The following DRD3 variants were observed in gnomAD, a reference collection of about 807,000 sequenced individuals.
The protein encoded by DRD3 is D(3) dopamine receptor.
Under a neutral mutation model 36.3 loss-of-function variants are expected in DRD3, and 19 were observed. The ratio of observed to expected loss-of-function variants is 0.52; its 90% CI spans 0.36 to 0.77. The LOEUF (loss-of-function observed/expected upper bound fraction) is 0.77, where lower values mean the gene tolerates loss of function less well. DRD3 is among the 30% of genes least tolerant of loss of function. The pLI is 0.00. For missense variants in DRD3, 465 were observed against 505.3 expected (o/e 0.92, Z 0.77); for synonymous variants, 195 against 203.7 (o/e 0.96, Z 0.36).
At chr3:114,175,246 C>T (rs901469977) in intron 1 of DRD3, among the ~76,000 whole-genome samples, 1 of 152,090 alleles carries the variant, frequency 6.6e-6, no homozygotes, top group Admixed American at 6.5e-5. Flanking sequence ...ATGTCTGGCA[C>T]ATAGCACTAG....
chr3:114,188,956 C>T (rs946611839), intron 1 of DRD3, among the ~76,000 whole-genome samples: 13 of 152,160 alleles, frequency 8.5e-5, no homozygotes, highest in Non-Finnish European at 1.5e-4. Flanking sequence ...AATATAGCAG[C>T]ATTACAATGA....
At chr3:114,190,350 C>G (rs2077997610) in intron 1 of DRD3, among the ~76,000 whole-genome samples, 1 of 137,876 alleles carries the variant, frequency 7.3e-6, no homozygotes, top group Non-Finnish European at 1.5e-5. Flanking sequence ...GAATGTTATC[C>G]CAATCCATGC....
intron 3 of DRD3, among the ~76,000 whole-genome samples, chr3:114,151,722 A>G (rs1333557901): frequency 6.6e-6 from 1 of 152,162 alleles, no homozygotes; most frequent in Non-Finnish European, 1.5e-5. Context: ...AGATGCAAGG[A>G]TGTCAGTTAT....
At chr3:114,136,932 A>G (rs1005934830) in intron 5 of DRD3, among the ~76,000 whole-genome samples, 1 of 152,076 alleles carries the variant, frequency 6.6e-6, no homozygotes, top group Non-Finnish European at 1.5e-5. Flanking sequence ...TGCTCTGTCC[A>G]TGTGTGTTCC....
At chr3:114,145,867 G>T (rs996068349) in intron 4 of DRD3, among the ~76,000 whole-genome samples, 2 of 151,848 alleles carry the variant, frequency 1.3e-5, no homozygotes, top group Non-Finnish European at 2.9e-5. Flanking sequence ...ATTTGTAGGG[G>T]GTCATATATA....
intron 2 of DRD3, among the ~76,000 whole-genome samples, chr3:114,164,343 A>G (rs1325240755): frequency 2.6e-5 from 4 of 151,878 alleles, no homozygotes; most frequent in Admixed American, 2.6e-4. Flanking sequence ...ATTATACAGC[A>G]ACCAGGTGGT....
intron 3 of DRD3, among the ~76,000 whole-genome samples, chr3:114,151,498 C>T (rs760591169): frequency 1.2e-4 from 19 of 152,198 alleles, no homozygotes; most frequent in Non-Finnish European, 2.4e-4. Context: ...CTATTTTAAG[C>T]TACCACCAAA....
intron 2 of DRD3, among the ~76,000 whole-genome samples, chr3:114,160,551 G>C (rs1003963578): frequency 6.6e-6 from 1 of 152,178 alleles, no homozygotes; most frequent in Non-Finnish European, 1.5e-5. Flanking sequence ...GTGGTAAAAG[G>C]ACTTCGGTGA....
chr3:114,140,235 G>A (rs770704307), intron 4 of DRD3, among the ~76,000 whole-genome samples: 3 of 152,212 alleles, frequency 2.0e-5, no homozygotes, highest in Admixed American at 6.5e-5. Context: ...GGCAGATGGC[G>A]GCTGAATACA....
rs544517200 is a variant in DRD3, at chr3:114,131,326, T to A, written c.798A>T (p.Gly266=). 6 of 1,614,222 alleles carry A rather than the reference T, an allele frequency of 3.7e-6. No individual in the cohort carries two copies. The African/African-American group carries it at 8.0e-5, about 22-fold the overall frequency. ...CTCCTCCTCTTTCTTGGAAGCCTGG[T>A]CCACCCAAGGCAGTGTCCTGGCAGA... ...YSICQDTALG[G]PGFQERGGEL... The change falls in exon 6 of 7, where the codon GGA becomes GGT. Residue 266 remains glycine (G), a synonymous_variant. Coordinates refer to ENST00000383673, the MANE Select transcript of DRD3 (RefSeq NM_000796.6).
intron 2 of DRD3, among the ~76,000 whole-genome samples, chr3:114,170,753 T>C (rs895669515): frequency 6.6e-6 from 1 of 152,234 alleles, no homozygotes; most frequent in Non-Finnish European, 1.5e-5. Flanking sequence ...TTACTATCAA[T>C]ATTAACTGAG....
chr3:114,181,218 A>T (rs989443402), upstream of DRD3, among the ~76,000 whole-genome samples: 1 of 152,186 alleles, frequency 6.6e-6, no homozygotes, highest in African/African-American at 2.4e-5. Context: ...AATTCTGTGT[A>T]GGAACAAGAG....
At chr3:114,189,722 A>G (rs2077993774) in intron 1 of DRD3, among the ~76,000 whole-genome samples, 2 of 152,188 alleles carry the variant, frequency 1.3e-5, no homozygotes, top group South Asian at 4.1e-4. Flanking sequence ...GTTGTTTGAC[A>G]CTAGGAGGCT....
At chr3:114,138,659 GT>G (rs963383688) in intron 5 of DRD3, among the ~76,000 whole-genome samples, 6 of 152,116 alleles carry the variant, frequency 3.9e-5, no homozygotes, top group African/African-American at 1.4e-4. Context: ...AGCATATTGG[GT>G]TTTCTCTTCT....
chr3:114,172,061 C>A (rs1344248852), intron 1 of DRD3, 34 bp from the exon 2 acceptor site: 1 of 1,351,138 alleles, frequency 7.4e-7, no homozygotes, highest in Non-Finnish European at 9.6e-7. Flanking sequence ...TTAATAAAAT[C>A]AGACTCTTTG....
At chr3:114,133,252 G>A (rs995739869) in intron 5 of DRD3, among the ~76,000 whole-genome samples, 3 of 152,176 alleles carry the variant, frequency 2.0e-5, no homozygotes, top group South Asian at 2.1e-4. Context: ...GCCTCCCAAA[G>A]TGCTGGGATT....
rs368421411 is a variant in DRD3, at chr3:114,174,564, T to C, written c.-35-2537A>G. ...TTGGAATCACAGTTGCATGGATTTC[T>C]GATTTCATATTTATTTTTTCCACAT... On this transcript the variant is annotated intron_variant, in intron 1 of 6. Coordinates refer to ENST00000383673, the MANE Select transcript of DRD3 (RefSeq NM_000796.6). Among the ~76,000 whole-genome samples the C allele has an allele frequency of 5.3e-5, 8 of 152,352 alleles. No homozygotes were observed. In the South Asian group the frequency reaches 1.2e-3, roughly 24 times the overall value.
At chr3:114,137,656 A>G (rs1284268792) in intron 5 of DRD3, among the ~76,000 whole-genome samples, 6 of 152,120 alleles carry the variant, frequency 3.9e-5, no homozygotes, top group Non-Finnish European at 7.4e-5. Context: ...AGACCAGCCT[A>G]GCCAACAAGG....
intron 3 of DRD3, among the ~76,000 whole-genome samples, chr3:114,153,115 C>T (rs920513400): frequency 6.6e-6 from 1 of 152,206 alleles, no homozygotes; most frequent in African/African-American, 2.4e-5. Flanking sequence ...GACTGATCAG[C>T]TCTGAATCCC....
Sources: allele counts gnomAD v4.1 joint callset (sites outside exome capture counted in the v4.1 genomes callset), GRCh38; gene constraint gnomAD v4.1.1; transcripts MANE v1.5; gene names NCBI Gene and HGNC (gene_info 2026-07-23, HGNC 2026-07-21).